The following PUM2 variants were observed in gnomAD, a reference collection of about 807,000 sequenced individuals.
PUM2 encodes the protein pumilio RNA binding family member 2, also known as pumilio homolog 2.
A neutral mutation model predicts 124.5 loss-of-function variants in PUM2; 57 were observed. That is an observed-to-expected ratio of 0.46 (90% CI 0.37 to 0.57). The LOEUF is 0.57. Among genes scored for constraint, PUM2 ranks in the 20% least tolerant of loss-of-function variants. The pLI, the probability that PUM2 is intolerant of heterozygous loss-of-function variation, is 0.00. For synonymous variants in PUM2, 460 were observed against 446.1 expected (o/e 1.03, Z -0.39); for missense variants, 1,065 against 1,290.6 (o/e 0.83, Z 2.68).
Position 20,312,274 on chromosome 2 carries a change from CAGG to C in PUM2, c.307_309del (p.Pro103del). 8 of 1,608,900 alleles carry C rather than the reference CAGG, an allele frequency of 5.0e-6. No individual in the cohort carries two copies. The highest frequency in any genetic ancestry group is 1.1e-5 in the South Asian group (1 of 89,676). On this transcript the variant is annotated inframe_deletion, in exon 4 of 21. Transcript: ENST00000361078. ...CTAAATCGAGAATCCAATTTATCAG[CAGG>C]AGAAGAACTTAATACATATTCTACC... is the stretch of plus-strand genomic sequence containing the variant.
At chr2:20,300,937 C>T (rs1676825880) in intron 7 of PUM2, among the ~76,000 whole-genome samples, 1 of 152,198 alleles carries the variant, frequency 6.6e-6, no homozygotes, top group South Asian at 2.1e-4. Flanking sequence ...CAGACTAACA[C>T]ATAACTGATT....
At chr2:20,252,280 T>C (rs1395283541) in intron 20 of PUM2, among the ~76,000 whole-genome samples, 1 of 152,122 alleles carries the variant, frequency 6.6e-6, no homozygotes, top group African/African-American at 2.4e-5. Context: ...ACTAAAAGCA[T>C]GCATGCCTGT....
chr2:20,280,157 GT>G (rs1027275376), intron 12 of PUM2, among the ~76,000 whole-genome samples: 1 of 152,018 alleles, frequency 6.6e-6, no homozygotes, highest in African/African-American at 2.4e-5. Context: ...AATTACGTTG[GT>G]TTTGCCAAAT....
intron 1 of PUM2, among the ~76,000 whole-genome samples, chr2:20,328,399 G>C (rs1280124644): frequency 6.6e-6 from 1 of 152,022 alleles, no homozygotes; most frequent in African/African-American, 2.4e-5. Flanking sequence ...AGAATCTAGA[G>C]CATCTTCAAT....
At chr2:20,348,256 T>C (rs2149175225) in intron 1 of PUM2, among the ~76,000 whole-genome samples, 1 of 152,272 alleles carries the variant, frequency 6.6e-6, no homozygotes, top group Non-Finnish European at 1.5e-5. Context: ...GTAATTTTTA[T>C]CTTAATCACA....
chr2:20,291,785 G>A (rs1002896994), intron 9 of PUM2, among the ~76,000 whole-genome samples: 1 of 151,836 alleles, frequency 6.6e-6, no homozygotes, highest in East Asian at 1.9e-4. Flanking sequence ...GTGCTACTCT[G>A]AACTGCTCTT....
At chr2:20,260,163 T>C (rs1665825338) in intron 15 of PUM2, among the ~76,000 whole-genome samples, 174 bp downstream of exon 15, 1 of 152,228 alleles carries the variant, frequency 6.6e-6, no homozygotes, top group African/African-American at 2.4e-5. Flanking sequence ...TAGGAGTTCA[T>C]TACAATATAT....
At chr2:20,347,554 A>G (rs62124602) in intron 1 of PUM2, among the ~76,000 whole-genome samples, 5,543 of 152,298 alleles carry the variant, frequency 0.036, 94 homozygotes, top group Middle Eastern at 0.068. Context: ...TTTTAAATAA[A>G]AACTGTCTCC....
intron 7 of PUM2, among the ~76,000 whole-genome samples, chr2:20,303,764 T>A (rs1215491805): frequency 6.6e-6 from 1 of 152,216 alleles, no homozygotes; most frequent in East Asian, 1.9e-4. Context: ...CGGTAGGTGA[T>A]AGCCAATTAT....
intron 2 of PUM2, among the ~76,000 whole-genome samples, chr2:20,326,812 C>CT (rs1439857153): frequency 1.3e-5 from 2 of 152,138 alleles, no homozygotes; most frequent in Admixed American, 6.5e-5. Flanking sequence ...GTATGAAGAA[C>CT]TAGAAGCCAG....
Position 20,251,609 on chromosome 2 carries a change from T to A in PUM2, c.3171A>T (p.Gly1057=), listed in dbSNP as rs760608492. 7 of 1,613,416 alleles carry A rather than the reference T, an allele frequency of 4.3e-6. No homozygotes were observed. The Admixed American group carries it at 1.0e-4, about 23-fold the overall frequency. ...TTTACAGCATTCCATTTGGTGGTCC[T>A]CCAATAGGTCCTAGGTCCGGGCTAT... ...LKNSPDLGPI[G]GPPNGML The change falls in exon 21 of 21, where the codon GGA becomes GGT. Residue 1057 remains glycine, a synonymous_variant. Coordinates refer to ENST00000361078, the MANE Select transcript of PUM2 (RefSeq NM_015317.5).
chr2:20,308,052 G>A lies in PUM2; in HGVS notation c.809C>T (p.Ala270Val), dbSNP rs1558607564. 11 of 1,612,672 alleles carry A rather than the reference G, an allele frequency of 6.8e-6. No homozygotes were observed. Among genetic ancestry groups the A allele is most frequent in the Non-Finnish European group, 8.5e-6 (10 of 1,178,968 alleles). The change falls in exon 7 of 21, where the codon GCA (alanine) becomes GTA (valine). Residue 270 changes from alanine to valine, a missense_variant. Around this residue, in one of 3 missense-constraint regions of PUM2, gnomAD observed 968 missense variants for 1,159.8 expected, o/e 0.83. Coordinates refer to ENST00000361078, the MANE Select transcript of PUM2 (RefSeq NM_015317.5). ...TGCAGTTAACTGTTGAACTGTTAGTGCATTAGTCCTCTGAAAGAGCTATTA... is the reference window on the plus strand; with the variant it reads ...TGCAGTTAACTGTTGAACTGTTAGTACATTAGTCCTCTGAAAGAGCTATTA... ...SQQQLFQRTN[A>V]LTVQQLTAAQ... is the part of the protein sequence containing the mutation.
intron 20 of PUM2, among the ~76,000 whole-genome samples, chr2:20,252,577 A>G (rs192650334): frequency 1.3e-5 from 2 of 152,322 alleles, no homozygotes; most frequent in Admixed American, 6.5e-5. Context: ...ATTCATTAAG[A>G]TCAAGAGTAT....
chr2:20,267,116 G>C (rs1298351228), intron 13 of PUM2, among the ~76,000 whole-genome samples: 1 of 151,326 alleles, frequency 6.6e-6, no homozygotes, highest in East Asian at 1.9e-4. Context: ...TCCCCTTCCT[G>C]GGTTCAAGTG....
In PUM2 at chr2:20,263,479, G is replaced by A; in HGVS notation, c.1958-19C>T. 6 of 1,559,740 alleles carry A rather than the reference G, an allele frequency of 3.8e-6. No individual in the cohort carries two copies. Among genetic ancestry groups the A allele is most frequent in the South Asian group, 2.4e-5 (2 of 84,502 alleles). ...AGTCCTCCTACAACAAAGCAGCTAT[G>A]GTCAGCAAGTATTTTTGACAAAGTT... On this transcript the variant is annotated intron_variant, in intron 13 of 20. Transcript: ENST00000361078.
intron 6 of PUM2, 59 bp downstream of exon 6, chr2:20,308,255 T>C (rs1001640298): frequency 4.3e-5 from 67 of 1,557,748 alleles, no homozygotes; most frequent in Non-Finnish European, 5.8e-5. Flanking sequence ...CACATAGCAC[T>C]TCAGGCTAAA....
At chr2:20,347,601 A>G (rs1688498194) in intron 1 of PUM2, among the ~76,000 whole-genome samples, 1 of 152,252 alleles carries the variant, frequency 6.6e-6, no homozygotes, top group African/African-American at 2.4e-5. Flanking sequence ...AATCACTATT[A>G]AAATATTAGC....
At chr2:20,272,719 G>A (rs1024995349) in intron 13 of PUM2, among the ~76,000 whole-genome samples, 2 of 152,040 alleles carry the variant, frequency 1.3e-5, no homozygotes, top group East Asian at 1.9e-4. Context: ...TATTGATAGC[G>A]TTCAATCTTT....
At chr2:20,287,506 G>A (rs1673013693) in intron 10 of PUM2, among the ~76,000 whole-genome samples, 1 of 151,236 alleles carries the variant, frequency 6.6e-6, no homozygotes, top group African/African-American at 2.4e-5. Context: ...TTTTAAGCTA[G>A]AAAAAAAAAG....
Sources: allele counts gnomAD v4.1 joint callset (sites outside exome capture counted in the v4.1 genomes callset), GRCh38; gene constraint gnomAD v4.1.1; regional missense constraint gnomAD v4.1.1; transcripts MANE v1.5; gene names NCBI Gene and HGNC (gene_info 2026-07-23, HGNC 2026-07-21).